Variants in GAB1 observed in about 807,000 individuals in gnomAD.
The protein encoded by GAB1 is GRB2 associated binding protein 1.
GAB1 carries 19 observed loss-of-function variants against 66.5 expected under a neutral mutation model. The ratio of observed to expected loss-of-function variants is 0.29; its 90% CI spans 0.20 to 0.42. The LOEUF is 0.42. Ranked by LOEUF, GAB1 falls within the 10% of genes least tolerant of loss-of-function variation. GAB1 has a pLI of 1.00. For missense variants in GAB1, 732 were observed against 858.5 expected, an observed-to-expected ratio of 0.85 and a Z score of 1.84; for synonymous variants, 294 against 301.4, an observed-to-expected ratio of 0.98 and a Z score of 0.25.
At chr4:143,447,312 T>C (rs1245796227) in intron 6 of GAB1, among the ~76,000 whole-genome samples, 1 of 152,186 alleles carries the variant, frequency 6.6e-6, no homozygotes, top group East Asian at 1.9e-4. Context: ...TTTAAAGTAG[T>C]TTTTTCCAAT....
Position 143,438,266 on chromosome 4 carries a change from T to G in GAB1, c.861T>G (p.Phe287Leu). The G allele has an allele frequency of 1.9e-6, 3 of 1,614,102 alleles. No homozygotes were observed. The highest frequency in any genetic ancestry group is 2.5e-6 in the Non-Finnish European group (3 of 1,179,982). Residue 287 changes from phenylalanine to leucine, a missense_variant, in exon 4 of 10, where the codon TTT becomes TTG. Physicochemically the swap from Phe to Leu is conservative, Grantham distance 22. Around this residue, in one of 4 missense-constraint regions of GAB1, gnomAD observed 427 missense variants for 420.6 expected, o/e 1.02. Coordinates refer to ENST00000262994, the MANE Select transcript of GAB1 (RefSeq NM_002039.4). ...AAGCAGATGGAGAACTCTATGTTTTTAATACCCCATCTGGGACATCGAGTG... is the reference window on the plus strand; with the variant it reads ...AAGCAGATGGAGAACTCTATGTTTTGAATACCCCATCTGGGACATCGAGTG... The part of the protein sequence containing the change: ...STEADGELYV[F>L]NTPSGTSSVE...
At chr4:143,409,261 G>A (rs1452361193) in intron 1 of GAB1, among the ~76,000 whole-genome samples, 1 of 152,164 alleles carries the variant, frequency 6.6e-6, no homozygotes, top group Non-Finnish European at 1.5e-5. Context: ...GGACCATGTG[G>A]GTGCTGTCTG....
intron 6 of GAB1, among the ~76,000 whole-genome samples, chr4:143,457,229 G>T (rs1372732525): frequency 6.6e-6 from 1 of 152,174 alleles, no homozygotes; most frequent in Non-Finnish European, 1.5e-5. Context: ...AAGGACGTAG[G>T]CCTTCGGGCT....
At chr4:143,442,938 G>A (rs1214047152) in intron 6 of GAB1, among the ~76,000 whole-genome samples, 3 of 150,158 alleles carry the variant, frequency 2.0e-5, no homozygotes, top group Non-Finnish European at 4.4e-5. Flanking sequence ...ATCAAGAATA[G>A]ACTTAGCAAA....
At chr4:143,426,566 AAAAC>A (rs1280174664) in intron 2 of GAB1, among the ~76,000 whole-genome samples, 20 of 152,250 alleles carry the variant, frequency 1.3e-4, no homozygotes, top group Admixed American at 3.9e-4. Flanking sequence ...AATAAATAAT[AAAAC>A]AAACAGAGCG....
At chr4:143,339,817 G>A (rs951298811) in intron 1 of GAB1, among the ~76,000 whole-genome samples, 1 of 152,208 alleles carries the variant, frequency 6.6e-6, no homozygotes, top group African/African-American at 2.4e-5. Context: ...ATTTGAGAGA[G>A]ACAGTGGGCT....
intron 1 of GAB1, among the ~76,000 whole-genome samples, chr4:143,375,688 GA>G (rs1249957846): frequency 1.3e-5 from 2 of 152,218 alleles, no homozygotes; most frequent in African/African-American, 4.8e-5. Flanking sequence ...GCAGTTTTCC[GA>G]ATATGACAAA....
chr4:143,440,872 C>T (rs545757749), intron 6 of GAB1, among the ~76,000 whole-genome samples: 1 of 152,090 alleles, frequency 6.6e-6, no homozygotes, highest in African/African-American at 2.4e-5. Context: ...GCAGGCCAAC[C>T]CAAACACTTC....
intron 6 of GAB1, chr4:143,457,761 G>A (rs768137433): frequency 1.3e-6 from 2 of 1,553,688 alleles, no homozygotes; most frequent in Non-Finnish European, 1.7e-6. Flanking sequence ...TTTGCTACAA[G>A]AAGAAAGGGT....
rs144124132 is a variant in GAB1 at position 143,374,404 on chromosome 4, A to T, written c.72+37144A>T. On this transcript the variant is annotated intron_variant, in intron 1 of 9. Transcript: ENST00000262994. The stretch of plus-strand genomic sequence containing the variant: ...TGTTCAACAATTTTTCTTGCTTTTC[A>T]TGTGCTGCAGAGAAAAGGCTAAATC... Among the ~76,000 whole-genome samples, 1,350 of 152,304 alleles carry T rather than the reference A, an allele frequency of 8.9e-3. 20 individuals carry two copies. The highest frequency in any genetic ancestry group is 0.031 in the African/African-American group (1,288 of 41,562).
chr4:143,465,819 T>G (rs1735752281), intron 8 of GAB1, among the ~76,000 whole-genome samples: 1 of 152,196 alleles, frequency 6.6e-6, no homozygotes, highest in South Asian at 2.1e-4. Context: ...ACAGACATAA[T>G]TTTAATAATG....
chr4:143,350,961 A>C (rs146713256), intron 1 of GAB1, among the ~76,000 whole-genome samples: 161 of 152,172 alleles, frequency 1.1e-3, no homozygotes, highest in Middle Eastern at 3.4e-3. Flanking sequence ...AGGGCATGCA[A>C]TGGGGATGTG....
rs374207766 is a variant in GAB1 at position 143,371,460 on chromosome 4, G to A, written c.72+34200G>A. Among the ~76,000 whole-genome samples the A allele has an allele frequency of 1.2e-4, 18 of 152,144 alleles. No homozygotes were observed. The East Asian group carries it at 2.5e-3, about 21-fold the overall frequency. Reference sequence around the variant, plus strand: ...GATTCTGGATATTTGCCCTTTGTCCGATGGGTAGATTGTAAAAATTTTCTC... The same window carrying A: ...GATTCTGGATATTTGCCCTTTGTCCAATGGGTAGATTGTAAAAATTTTCTC... On this transcript the variant is annotated intron_variant, in intron 1 of 9. Coordinates refer to ENST00000262994, the MANE Select transcript of GAB1 (RefSeq NM_002039.4).
chr4:143,439,991 G>C, intron 5 of GAB1, 88 bp from the exon 6 acceptor site: 1 of 1,406,088 alleles, frequency 7.1e-7, no homozygotes, highest in Non-Finnish European at 1.0e-6. Context: ...AGTACGCTGA[G>C]ATCCATATGA....
intron 1 of GAB1, among the ~76,000 whole-genome samples, chr4:143,390,684 G>T (rs1731145527): frequency 6.6e-6 from 1 of 152,074 alleles, no homozygotes; most frequent in Admixed American, 6.6e-5. Context: ...GGGCCAAAGA[G>T]CCCCCAAAAT....
At chr4:143,450,255 C>T (rs957693071) in intron 6 of GAB1, among the ~76,000 whole-genome samples, 4 of 152,080 alleles carry the variant, frequency 2.6e-5, no homozygotes, top group Admixed American at 2.6e-4. Context: ...TTTCTGCCTT[C>T]ATTACTTTCT....
At chr4:143,425,117 C>G in intron 2 of GAB1, 1 of 841,342 alleles carries the variant, frequency 1.2e-6, no homozygotes, top group Non-Finnish European at 2.0e-6. Flanking sequence ...CAGCAGGAAC[C>G]CACTTAGGTG....
intron 1 of GAB1, among the ~76,000 whole-genome samples, chr4:143,355,509 T>G (rs1238004005): frequency 6.6e-6 from 1 of 152,196 alleles, no homozygotes; most frequent in East Asian, 1.9e-4. Context: ...GTAGGTTAAG[T>G]ATTCAGATTG....
In GAB1 at chr4:143,459,246, G is replaced by A. The variant is rs13114896; in HGVS notation, c.1586-139G>A. 0.36 allele frequency: 225,214 copies of A among 629,406 alleles called. 45,281 individuals carry two copies. Among genetic ancestry groups the A allele is most frequent in the African/African-American group, 0.66 (36,165 of 54,756 alleles). The allele number at this position is 629,406 out of a possible 1,614,324, so 39.0% of individuals were successfully genotyped here. Reference sequence around the variant, plus strand: ...TTGGGCAAATCATGTAACATTCATGGACCTCATTTCACATGTGAAACTAGG... The same window carrying A: ...TTGGGCAAATCATGTAACATTCATGAACCTCATTTCACATGTGAAACTAGG... On this transcript the variant is annotated intron_variant, in intron 6 of 9. Coordinates refer to ENST00000262994, the MANE Select transcript of GAB1 (RefSeq NM_002039.4).
Sources: allele counts gnomAD v4.1 joint callset (sites outside exome capture counted in the v4.1 genomes callset), GRCh38; gene constraint gnomAD v4.1.1; regional missense constraint gnomAD v4.1.1; transcripts MANE v1.5; gene names NCBI Gene and HGNC (gene_info 2026-07-23, HGNC 2026-07-21).